Variants in CRYBG1 observed in about 807,000 individuals in gnomAD.
The protein encoded by CRYBG1 is crystallin beta-gamma domain containing 1.
Under a neutral mutation model 189.2 loss-of-function variants are expected in CRYBG1, and 139 were observed. The ratio of observed to expected loss-of-function variants is 0.73; its 90% CI spans 0.64 to 0.85. The LOEUF is 0.85. CRYBG1 is among the 40% of genes least tolerant of loss of function. CRYBG1 has a pLI of 0.00. For missense variants in CRYBG1, 2,611 were observed against 2,675.8 expected, an observed-to-expected ratio of 0.98 and a Z score of 0.53; for synonymous variants, 1,023 against 1,017.1, an observed-to-expected ratio of 1.01 and a Z score of -0.11.
chr6:106,364,062 C>T (rs745369980), intron 1 of CRYBG1, among the ~76,000 whole-genome samples: 16 of 152,292 alleles, frequency 1.1e-4, no homozygotes, highest in African/African-American at 2.4e-4. Flanking sequence ...CGGTCACTCA[C>T]GCCTCTAATC....
At chr6:106,568,390 G>T (rs1203846425) in intron 21 of CRYBG1, 82 bp from the exon 22 acceptor site, 13 of 1,090,780 alleles carry the variant, frequency 1.2e-5, no homozygotes, top group Admixed American at 5.5e-5. Context: ...TACTTTTGCT[G>T]TACTGGTGTT....
At chr6:106,397,895 G>C (rs1770643997) in intron 1 of CRYBG1, among the ~76,000 whole-genome samples, 1 of 152,158 alleles carries the variant, frequency 6.6e-6, no homozygotes, top group South Asian at 2.1e-4. Flanking sequence ...GTATCTCAGT[G>C]TCAATGGAAA....
intron 2 of CRYBG1, among the ~76,000 whole-genome samples, chr6:106,489,165 T>C (rs558666621): frequency 1.6e-4 from 25 of 152,302 alleles, no homozygotes; most frequent in African/African-American, 5.1e-4. Context: ...AGAGGCAGGA[T>C]TCCTTACTCC....
chr6:106,537,103 A>T (rs963641283), intron 8 of CRYBG1, among the ~76,000 whole-genome samples: 8 of 152,196 alleles, frequency 5.3e-5, no homozygotes, highest in Non-Finnish European at 8.8e-5. Context: ...CCCTCTACCC[A>T]GAATGACTTT....
In CRYBG1 at chr6:106,360,946, A is replaced by G; in HGVS notation, c.38A>G (p.Glu13Gly). The G allele has an allele frequency of 1.3e-6, 2 of 1,534,850 alleles. No individual in the cohort carries two copies. The highest frequency in any genetic ancestry group is 1.7e-6 in the Non-Finnish European group (2 of 1,146,398). ...LSPPAQGDPGEPSPCRPPKKH... is the reference protein window; with the variant it reads ...LSPPAQGDPGGPSPCRPPKKH... ...CCGCCAGCCCAGGGCGACCCCGGGGAGCCCAGCCCGTGCAGGCCCCCTAAG... is the reference window on the plus strand; with the variant it reads ...CCGCCAGCCCAGGGCGACCCCGGGGGGCCCAGCCCGTGCAGGCCCCCTAAG... The change falls in exon 1 of 22, where the codon GAG (glutamate) becomes GGG (glycine). Residue 13 changes from glutamate (E) to glycine (G), a missense_variant. Transcript: ENST00000633556.
intron 1 of CRYBG1, among the ~76,000 whole-genome samples, chr6:106,404,977 A>G (rs189240014): frequency 6.7e-6 from 1 of 150,132 alleles, no homozygotes; most frequent in Non-Finnish European, 1.5e-5. Flanking sequence ...ACACCAAGCT[A>G]GCCGCAGTTT....
intron 2 of CRYBG1, among the ~76,000 whole-genome samples, chr6:106,507,854 G>C (rs1051680275): frequency 6.6e-6 from 1 of 152,214 alleles, no homozygotes; most frequent in Non-Finnish European, 1.5e-5. Context: ...TTGGAGATAT[G>C]ATCTTGGATA....
chr6:106,529,928 T>C (rs1773840092), intron 7 of CRYBG1, among the ~76,000 whole-genome samples: 1 of 152,204 alleles, frequency 6.6e-6, no homozygotes, highest in South Asian at 2.1e-4. Flanking sequence ...ATAAAATACA[T>C]TTCTGATGAT....
intron 3 of CRYBG1, among the ~76,000 whole-genome samples, chr6:106,518,589 C>T (rs1034638615): frequency 1.3e-5 from 2 of 152,040 alleles, no homozygotes. Flanking sequence ...ATCTTCCGAT[C>T]CCTCATATGC....
chr6:106,492,660 C>T (rs991071552), intron 2 of CRYBG1, among the ~76,000 whole-genome samples: 1 of 150,420 alleles, frequency 6.6e-6, no homozygotes, highest in East Asian at 1.9e-4. Flanking sequence ...GCAGGCCATC[C>T]ATATATGGTA....
Position 106,360,874 on chromosome 6 carries a change from C to G in CRYBG1, c.-35C>G. Reference sequence around the variant, plus strand: ...AGGGCCCGGGCGGCAGAGAGGACCGCGTCCCGGCAGTCGGAGCGGGAGGAG... The same window carrying G: ...AGGGCCCGGGCGGCAGAGAGGACCGGGTCCCGGCAGTCGGAGCGGGAGGAG... On this transcript the variant is annotated 5_prime_UTR_variant, in exon 1 of 22. Transcript: ENST00000633556. The G allele has an allele frequency of 6.6e-7, 1 of 1,508,060 alleles. No homozygotes were observed. The highest frequency in any genetic ancestry group is 8.8e-7 in the Non-Finnish European group (1 of 1,132,716). The allele number at this position is 1,508,060 out of a possible 1,614,324, so 93.4% of individuals were successfully genotyped here.
At chr6:106,563,461 A>G (rs565567184) in intron 20 of CRYBG1, among the ~76,000 whole-genome samples, 1 of 152,286 alleles carries the variant, frequency 6.6e-6, no homozygotes, top group Admixed American at 6.5e-5. Context: ...ATGACAGGGA[A>G]AAATATGATG....
At chr6:106,452,861 G>A (rs1771811981) in intron 2 of CRYBG1, among the ~76,000 whole-genome samples, 1 of 152,154 alleles carries the variant, frequency 6.6e-6, no homozygotes, top group African/African-American at 2.4e-5. Context: ...TAGTCACAGG[G>A]TGAGTGAGAG....
At chr6:106,364,391 G>A (rs1052447780) in intron 1 of CRYBG1, among the ~76,000 whole-genome samples, 1 of 152,020 alleles carries the variant, frequency 6.6e-6, no homozygotes, top group Non-Finnish European at 1.5e-5. Context: ...GTTTATTAAA[G>A]TCAGATTTTC....
At chr6:106,433,193 A>G (rs759229694) in intron 1 of CRYBG1, among the ~76,000 whole-genome samples, 2 of 152,182 alleles carry the variant, frequency 1.3e-5, no homozygotes, top group African/African-American at 2.4e-5. Flanking sequence ...CAAAAAATAA[A>G]ACAACTCTTA....
Position 106,519,928 on chromosome 6 carries a change from A to G in CRYBG1, c.2720A>G (p.Asn907Ser). The stretch of plus-strand genomic sequence containing the variant: ...TGCACTGATCTAAAAGTGTCAGAAA[A>G]CCATAAAGGATGTGTTTTGCCTGTG... ...FPCTDLKVSE[N>S]HKGCVLPVSR... Residue 907 changes from asparagine to serine, a missense_variant, in exon 4 of 22, where the codon AAC (asparagine) becomes AGC (serine). Asn to Ser is a conservative substitution (Grantham distance 46). Transcript: ENST00000633556. 2 of 1,614,120 alleles carry G rather than the reference A, an allele frequency of 1.2e-6. No individual in the cohort carries two copies. Among genetic ancestry groups the G allele is most frequent in the Non-Finnish European group, 1.7e-6 (2 of 1,180,024 alleles).
At chr6:106,425,478 C>T (rs1450738787) in intron 1 of CRYBG1, among the ~76,000 whole-genome samples, 1 of 152,088 alleles carries the variant, frequency 6.6e-6, no homozygotes, top group Non-Finnish European at 1.5e-5. Flanking sequence ...ATCATCATGC[C>T]TTTGCATACA....
chr6:106,432,526 A>C (rs1771349729), intron 1 of CRYBG1, among the ~76,000 whole-genome samples: 1 of 152,216 alleles, frequency 6.6e-6, no homozygotes, highest in African/African-American at 2.4e-5. Flanking sequence ...CAGGGAGTTA[A>C]GTATGTTCCA....
rs567374824 is a variant in CRYBG1, at chr6:106,565,006, C to T, written c.6301+1080C>T. 1.4e-4 allele frequency among the ~76,000 whole-genome samples: 22 copies of T among 152,212 alleles called. 1 individual carries two copies. In the South Asian group the frequency reaches 4.6e-3, roughly 32 times the overall value. On this transcript the variant is annotated intron_variant, in intron 21 of 21. Transcript: ENST00000633556. ...CTTTAATCAGGGATTTAGGCCAATG[C>T]TGTCATTAAAGTTTATGATGTAGGG...
Sources: gnomAD v4.1 joint callset for allele counts (sites outside exome capture counted in the v4.1 genomes callset) on GRCh38, gnomAD v4.1.1 for gene constraint, MANE v1.5 for transcripts, NCBI Gene and HGNC (gene_info 2026-07-23, HGNC 2026-07-21) for gene names.